Variants in UNCX observed in about 807,000 individuals in gnomAD.
UNCX encodes UNC homeobox.
Under a neutral mutation model 14.8 loss-of-function variants are expected in UNCX, and 4 were observed. That is an observed-to-expected ratio of 0.27 (90% CI 0.13 to 0.62). The LOEUF (loss-of-function observed/expected upper bound fraction) is 0.62. Ranked by LOEUF, UNCX falls within the 20% of genes least tolerant of loss-of-function variation. The pLI is 0.86. For synonymous variants in UNCX, 459 were observed against 395.8 expected, an observed-to-expected ratio of 1.16 and a Z score of -1.90; for missense variants, 749 against 786.8, an observed-to-expected ratio of 0.95 and a Z score of 0.58.
Position 1,236,587 on chromosome 7 carries a change from G to T in UNCX, c.1206G>T (p.Leu402=). The T allele has an allele frequency of 8.3e-7, 1 of 1,210,734 alleles. No individual in the cohort carries two copies. Among genetic ancestry groups the T allele is most frequent in the Non-Finnish European group, 1.0e-6 (1 of 971,290 alleles). 75.0% of individuals were successfully genotyped at this position (1,210,734 alleles called of 1,614,324 possible). A position where few individuals can be genotyped will look rare whatever the true frequency, so the allele number is the denominator to read the frequency against. ...PQAALKGGAG[L]EPAPKDAPPA... is the part of the protein sequence containing the mutation. ...CCGCGCTCAAGGGCGGCGCGGGCCT[G>T]GAGCCGGCGCCCAAGGACGCGCCGC... The change falls in exon 3 of 3, where the codon CTG becomes CTT. Residue 402 remains leucine, a synonymous_variant. Transcript: ENST00000316333. The surrounding 1 kb of genome is among the most constrained non-coding windows in gnomAD (Gnocchi z 6.9).
At position 1,236,093 on chromosome 7, in the gene UNCX, G is replaced by C. The variant is rs1431130487; in HGVS notation, c.712G>C (p.Gly238Arg). The change falls in exon 3 of 3, where the codon GGC (glycine) becomes CGC (arginine). Residue 238 changes from glycine to arginine, a missense_variant. Physicochemically the swap from Gly to Arg is moderately radical, Grantham distance 125 (BLOSUM62 -2). Transcript: ENST00000316333. This position sits in a 1 kb window ranked among gnomAD's most constrained non-coding sequence, Gnocchi z 6.9. ...HSAPSSDSDS[G>R]GGGLSPEPPE... ...CGCGCCCAGCTCCGACAGCGACAGC[G>C]GCGGCGGCGGCCTGTCTCCGGAGCC... 1.3e-6 allele frequency: 2 copies of C among 1,510,580 alleles called. No individual in the cohort carries two copies. The highest frequency in any genetic ancestry group is 2.8e-5 in the African/African-American group (2 of 70,692). The allele number at this position is 1,510,580 out of a possible 1,614,324, so 93.6% of individuals were successfully genotyped here.
At position 1,233,215 on chromosome 7, in the gene UNCX, C is replaced by T; in HGVS notation, c.198C>T (p.Ala66=). Reference sequence around the variant, plus strand: ...TCGGGGGCTCGTGCGCCGCCGCCGCCTCGGTGGTCAACCCCACGCCGCTGC... The same window carrying T: ...TCGGGGGCTCGTGCGCCGCCGCCGCTTCGGTGGTCAACCCCACGCCGCTGC... ...GLLGGSCAAA[A]SVVNPTPLLP... is the part of the protein sequence containing the mutation. Residue 66 remains alanine (A), a synonymous_variant, in exon 1 of 3, where the codon GCC becomes GCT. Transcript: ENST00000316333. This position sits in a 1 kb window ranked among gnomAD's most constrained non-coding sequence, Gnocchi z 5.3. 1 of 1,442,924 alleles carries T rather than the reference C, an allele frequency of 6.9e-7. No individual in the cohort carries two copies. Among genetic ancestry groups the T allele is most frequent in the South Asian group, 1.3e-5 (1 of 74,560 alleles). The allele number at this position is 1,442,924 out of a possible 1,614,324, so 89.4% of individuals were successfully genotyped here.
chr7:1,236,156 G>T lies in UNCX; in HGVS notation c.775G>T (p.Ala259Ser). 2 of 1,221,488 alleles carry T rather than the reference G, an allele frequency of 1.6e-6. No homozygotes were observed. Among genetic ancestry groups the T allele is most frequent in the Non-Finnish European group, 2.0e-6 (2 of 976,866 alleles). 75.7% of individuals were successfully genotyped at this position (1,221,488 alleles called of 1,614,324 possible). The change falls in exon 3 of 3, where the codon GCG (alanine) becomes TCG (serine). Residue 259 changes from alanine to serine, a missense_variant. This residue lies in a region of UNCX where 552 missense variants were observed against 507.2 expected (regional missense o/e 1.09). Coordinates refer to ENST00000316333, the MANE Select transcript of UNCX (RefSeq NM_001080461.3). This position sits in a 1 kb window ranked among gnomAD's most constrained non-coding sequence, Gnocchi z 6.9. The part of the protein sequence containing the change: ...PPPPAAKGPG[A>S]HASGAAGTAP... The stretch of plus-strand genomic sequence containing the variant: ...GCCGCCCGCCGCCAAGGGCCCCGGA[G>T]CGCACGCCTCGGGCGCCGCGGGGAC...
In UNCX at chr7:1,233,419, C is replaced by CT. The variant is rs531630842; in HGVS notation, c.275-101_275-100insT. On this transcript the variant is annotated intron_variant, in intron 1 of 2. Transcript: ENST00000316333. The surrounding 1 kb of genome is among the most constrained non-coding windows in gnomAD (Gnocchi z 5.3). ...CTCCTAGGCGGCCGTCTCTGCGCCCCCCCCCCCGGATCCAGGCGGCCAGCG... is the reference window on the plus strand; with the variant it reads ...CTCCTAGGCGGCCGTCTCTGCGCCCCTCCCCCCCGGATCCAGGCGGCCAGCG... 14 of 1,374,688 alleles carry CT rather than the reference C, an allele frequency of 1.0e-5. No homozygotes were observed. In the African/African-American group the frequency reaches 1.1e-4, roughly 11 times the overall value. 85.2% of individuals were successfully genotyped at this position (1,374,688 alleles called of 1,614,324 possible).
rs774200904 is a variant in UNCX, at chr7:1,235,969, G to A, written c.588G>A (p.Glu196=). 3 of 1,611,840 alleles carry A rather than the reference G, an allele frequency of 1.9e-6. No homozygotes were observed. Among genetic ancestry groups the A allele is most frequent in the East Asian group, 4.5e-5 (2 of 44,832 alleles). The change falls in exon 3 of 3, where the codon GAG becomes GAA. Residue 196 remains glutamate, a synonymous_variant. Transcript: ENST00000316333. ...PMDPEEIARK[E]LEKMEKKKRK... is the part of the protein sequence containing the mutation. ...ACCCGGAGGAGATCGCGCGCAAGGA[G>A]CTGGAGAAGATGGAGAAGAAGAAGC...
Position 1,236,171 on chromosome 7 carries a change from G to T in UNCX, c.790G>T (p.Ala264Ser). The T allele has an allele frequency of 4.1e-6, 5 of 1,206,906 alleles. No individual in the cohort carries two copies. The highest frequency in any genetic ancestry group is 5.2e-6 in the Non-Finnish European group (5 of 966,986). 74.8% of individuals were successfully genotyped at this position (1,206,906 alleles called of 1,614,324 possible). Residue 264 changes from alanine (A) to serine (S), a missense_variant, in exon 3 of 3, where the codon GCC becomes TCC. Coordinates refer to ENST00000316333, the MANE Select transcript of UNCX (RefSeq NM_001080461.3). The surrounding 1 kb of genome is among the most constrained non-coding windows in gnomAD (Gnocchi z 6.9). ...GGGCCCCGGAGCGCACGCCTCGGGC[G>T]CCGCGGGGACCGCGCCCGCCCCTCC... ...AKGPGAHASG[A>S]AGTAPAPPGE... is the part of the protein sequence containing the mutation.
chr7:1,236,543 G>C lies in UNCX; in HGVS notation c.1162G>C (p.Gly388Arg). Residue 388 changes from glycine to arginine, a missense_variant, in exon 3 of 3, where the codon GGC (glycine) becomes CGC (arginine). Transcript: ENST00000316333. The surrounding 1 kb of genome is among the most constrained non-coding windows in gnomAD (Gnocchi z 6.9). ...CCTCTACCCCATCACGCAGCCGCTC[G>C]GCTTCCTGGTGCCGCAGGCCGCGCT... The part of the protein sequence containing the change: ...FLLYPITQPL[G>R]FLVPQAALKG... 1 of 1,381,860 alleles carries C rather than the reference G, an allele frequency of 7.2e-7. No individual in the cohort carries two copies. 85.6% of individuals were successfully genotyped at this position (1,381,860 alleles called of 1,614,324 possible). A position where few individuals can be genotyped will look rare whatever the true frequency, so the allele number is the denominator to read the frequency against.
intron 2 of UNCX, among the ~76,000 whole-genome samples, chr7:1,234,750 CAAAAAA>C (rs35439452): frequency 4.2e-5 from 5 of 119,270 alleles, no homozygotes; most frequent in Non-Finnish European, 5.2e-5. Flanking sequence ...GAATTCGCAC[CAAAAAA>C]AAAAAAAAAA....
chr7:1,233,502 T>C lies in UNCX; in HGVS notation c.275-18T>C, dbSNP rs1380312133. 6.3e-7 allele frequency: 1 copy of C among 1,599,554 alleles called. No homozygotes were observed. The highest frequency in any genetic ancestry group is 1.1e-5 in the South Asian group (1 of 90,076). Reference sequence around the variant, plus strand: ...GGGCCGGTGGCTGAGCCGCGCTGCGTCCTGTGACTGCCCGCAGACTCGGGG... The same window carrying C: ...GGGCCGGTGGCTGAGCCGCGCTGCGCCCTGTGACTGCCCGCAGACTCGGGG... On this transcript the variant is annotated intron_variant, in intron 1 of 2. Transcript: ENST00000316333. This position sits in a 1 kb window ranked among gnomAD's most constrained non-coding sequence, Gnocchi z 5.3.
Position 1,235,946 on chromosome 7 carries a change from C to G in UNCX, c.565C>G (p.Pro189Ala), listed in dbSNP as rs1380336327. 2 of 1,612,494 alleles carry G rather than the reference C, an allele frequency of 1.2e-6. No homozygotes were observed. Among genetic ancestry groups the G allele is most frequent in the Admixed American group, 3.3e-5 (2 of 59,904 alleles). The change falls in exon 3 of 3, where the codon CCG becomes GCG. Residue 189 changes from proline to alanine, a missense_variant. Pro to Ala is a conservative substitution (Grantham distance 27). Coordinates refer to ENST00000316333, the MANE Select transcript of UNCX (RefSeq NM_001080461.3). ...PTTCSGEPMD[P>A]EEIARKELEK... ...CACGTGCAGCGGCGAGCCCATGGAC[C>G]CGGAGGAGATCGCGCGCAAGGAGCT...
chr7:1,235,803 G>C (rs1196494553), intron 2 of UNCX, 29 bp from the exon 3 acceptor site: 11 of 1,591,090 alleles, frequency 6.9e-6, no homozygotes, highest in Non-Finnish European at 9.4e-6. Flanking sequence ...CCTGATTGTG[G>C]CTTCCTCTCC....
chr7:1,236,722 C>T lies in UNCX; in HGVS notation c.1341C>T (p.Val447=). The part of the protein sequence containing the change: ...SAFARRSPDA[V]ASPGAPAPAP... ...TCGCGCGTCGCAGCCCCGACGCCGT[C>T]GCCTCCCCGGGGGCCCCAGCCCCGG... Residue 447 remains valine (V), a synonymous_variant, in exon 3 of 3, where the codon GTC becomes GTT. Coordinates refer to ENST00000316333, the MANE Select transcript of UNCX (RefSeq NM_001080461.3). This position sits in a 1 kb window ranked among gnomAD's most constrained non-coding sequence, Gnocchi z 6.9. 1 of 994,214 alleles carries T rather than the reference C, an allele frequency of 1.0e-6. No homozygotes were observed. The highest frequency in any genetic ancestry group is 1.8e-5 in the African/African-American group (1 of 56,918). The allele number at this position is 994,214 out of a possible 1,614,324, so 61.6% of individuals were successfully genotyped here. A position where few individuals can be genotyped will look rare whatever the true frequency, so the allele number is the denominator to read the frequency against.
At chr7:1,234,750 CAAA>C (rs35439452) in intron 2 of UNCX, among the ~76,000 whole-genome samples, 38,980 of 119,148 alleles carry the variant, frequency 0.33, 7,385 homozygotes, top group East Asian at 0.66. Context: ...GAATTCGCAC[CAAA>C]AAAAAAAAAA....
At chr7:1,235,798 T>C (rs754009402) in intron 2 of UNCX, 34 bp from the exon 3 acceptor site, 38 of 1,582,366 alleles carry the variant, frequency 2.4e-5, no homozygotes, top group Non-Finnish European at 2.9e-5. Flanking sequence ...CGCCGCCTGA[T>C]TGTGGCTTCC....
Position 1,236,437 on chromosome 7 carries a change from CG to C in UNCX, c.1057del (p.Ala353ProfsTer20). Reference sequence around the variant, plus strand: ...GCCGGAAAGCCGCTTCCAACGCCGCCGCCGCCGCCGCCGCGGGGCTGGACTT... The same window carrying C: ...GCCGGAAAGCCGCTTCCAACGCCGCCCCGCCGCCGCCGCGGGGCTGGACTT... Reference protein sequence around the residue: ...PRRKAASNAAAAAAAGLDFAP... With the variant: ...PRRKAASNAAXAAAAGLDFAP... On this transcript the variant is annotated frameshift_variant, in exon 3 of 3. Transcript: ENST00000316333. LOFTEE classifies it low-confidence loss of function (END_TRUNC). This position sits in a 1 kb window ranked among gnomAD's most constrained non-coding sequence, Gnocchi z 6.9. The C allele has an allele frequency of 7.3e-7, 1 of 1,361,268 alleles. No homozygotes were observed. Among genetic ancestry groups the C allele is most frequent in the Non-Finnish European group, 9.5e-7 (1 of 1,056,726 alleles). The allele number at this position is 1,361,268 out of a possible 1,614,324, so 84.3% of individuals were successfully genotyped here.
rs1778757189 is a variant in UNCX at position 1,236,900 on chromosome 7, G to A, written c.1519G>A (p.Ala507Thr). The part of the protein sequence containing the change: ...PRPPSPAEEP[A>T]TCGVPEPGAA... Reference sequence around the variant, plus strand: ...GCCTCCCAGCCCCGCCGAGGAGCCGGCCACCTGCGGGGTTCCCGAGCCTGG... The same window carrying A: ...GCCTCCCAGCCCCGCCGAGGAGCCGACCACCTGCGGGGTTCCCGAGCCTGG... Residue 507 changes from alanine (A) to threonine (T), a missense_variant, in exon 3 of 3, where the codon GCC (alanine) becomes ACC (threonine). Around this residue, in one of 3 missense-constraint regions of UNCX, gnomAD observed 552 missense variants for 507.2 expected, o/e 1.09. Transcript: ENST00000316333. This position sits in a 1 kb window ranked among gnomAD's most constrained non-coding sequence, Gnocchi z 6.9. 3.5e-6 allele frequency: 4 copies of A among 1,150,628 alleles called. No individual in the cohort carries two copies. Among genetic ancestry groups the A allele is most frequent in the Admixed American group, 4.8e-5 (1 of 20,624 alleles). The allele number at this position is 1,150,628 out of a possible 1,614,324, so 71.3% of individuals were successfully genotyped here.
rs1037434662 is a variant in UNCX at position 1,233,751 on chromosome 7, G to T, written c.450+56G>T. On this transcript the variant is annotated intron_variant, in intron 2 of 2. Transcript: ENST00000316333. The surrounding 1 kb of genome is among the most constrained non-coding windows in gnomAD (Gnocchi z 5.3). The stretch of plus-strand genomic sequence containing the variant: ...CATCCGGACCCCAGGCTCTGGGCGC[G>T]CCGGGACGCCTTTGTTCCAGGTGGC... The T allele has an allele frequency of 7.8e-6, 12 of 1,544,554 alleles. No individual in the cohort carries two copies. Among genetic ancestry groups the T allele is most frequent in the East Asian group, 7.2e-5 (3 of 41,908 alleles).
rs868842720 is a variant in UNCX at position 1,233,027 on chromosome 7, G to C, written c.10G>C (p.Gly4Arg). Residue 4 changes from glycine to arginine, a missense_variant, in exon 1 of 3, where the codon GGC (glycine) becomes CGC (arginine). Gly to Arg is a moderately radical substitution (Grantham distance 125, BLOSUM62 -2). Around this residue, in one of 3 missense-constraint regions of UNCX, gnomAD observed 155 missense variants for 166.7 expected, o/e 0.93. Transcript: ENST00000316333. This position sits in a 1 kb window ranked among gnomAD's most constrained non-coding sequence, Gnocchi z 5.3. ...CGGCCCCCCGCGCGAGATGATGGAC[G>C]GCCGCCTCCTGGAACACCCGCATGC... MMD[G>R]RLLEHPHAQF... is the part of the protein sequence containing the mutation. 3 of 1,271,030 alleles carry C rather than the reference G, an allele frequency of 2.4e-6. No individual in the cohort carries two copies. The highest frequency in any genetic ancestry group is 2.6e-5 in the South Asian group (1 of 38,802). 78.7% of individuals were successfully genotyped at this position (1,271,030 alleles called of 1,614,324 possible). A position where few individuals can be genotyped will look rare whatever the true frequency, so the allele number is the denominator to read the frequency against.
Position 1,233,839 on chromosome 7 carries a change from T to A in UNCX, c.450+144T>A. The stretch of plus-strand genomic sequence containing the variant: ...CGCCTGCTGGGGAAGAGTGGAGGGG[T>A]GGGGGTTCTGGGGCTCGGCCCCTCA... On this transcript the variant is annotated intron_variant, in intron 2 of 2. Coordinates refer to ENST00000316333, the MANE Select transcript of UNCX (RefSeq NM_001080461.3). The surrounding 1 kb of genome is among the most constrained non-coding windows in gnomAD (Gnocchi z 5.3). 1 of 1,002,710 alleles carries A rather than the reference T, an allele frequency of 1.0e-6. No individual in the cohort carries two copies. Among genetic ancestry groups the A allele is most frequent in the Non-Finnish European group, 1.4e-6 (1 of 723,208 alleles). The allele number at this position is 1,002,710 out of a possible 1,614,324, so 62.1% of individuals were successfully genotyped here. A position where few individuals can be genotyped will look rare whatever the true frequency, so the allele number is the denominator to read the frequency against.
Sources: allele counts gnomAD v4.1 joint callset (sites outside exome capture counted in the v4.1 genomes callset), GRCh38; gene constraint gnomAD v4.1.1; regional missense constraint gnomAD v4.1.1; non-coding constraint Gnocchi (gnomAD v3.1); transcripts MANE v1.5; gene names NCBI Gene and HGNC (gene_info 2026-07-23, HGNC 2026-07-21).